ERH: variants seen among roughly 807,000 people sequenced by gnomAD.
The protein encoded by ERH is enhancer of rudimentary homolog.
A neutral mutation model predicts 16.8 loss-of-function variants in ERH; 1 was observed. The observed-to-expected ratio is 0.06, with a 90% CI of 0.02 to 0.28. The LOEUF is 0.28. Ranked by LOEUF, ERH falls within the 10% of genes least tolerant of loss-of-function variation. ERH has a pLI of 1.00. For synonymous variants in ERH, 43 were observed against 43.6 expected, an observed-to-expected ratio of 0.99 and a Z score of 0.05; for missense variants, 42 against 127.5, an observed-to-expected ratio of 0.33 and a Z score of 3.23.
intron 3 of ERH, among the ~76,000 whole-genome samples, chr14:69,385,232 T>C (rs1450411865): frequency 6.6e-6 from 1 of 152,164 alleles, no homozygotes; most frequent in East Asian, 1.9e-4. Flanking sequence ...AAAAATCCCA[T>C]GATCACAATG....
intron 2 of ERH, among the ~76,000 whole-genome samples, chr14:69,393,866 A>C (rs997278012): frequency 1.9e-4 from 29 of 152,072 alleles, no homozygotes; most frequent in Non-Finnish European, 3.7e-4. Context: ...TAAAAAAACC[A>C]AAAAATTAGC....
chr14:69,390,704 A>G (rs1382716489), intron 2 of ERH, among the ~76,000 whole-genome samples: 1 of 152,254 alleles, frequency 6.6e-6, no homozygotes, highest in East Asian at 1.9e-4. Flanking sequence ...TTTGTGCTCC[A>G]AAAGACACTA....
At chr14:69,382,684 C>T (rs1257477046) in intron 3 of ERH, among the ~76,000 whole-genome samples, 1 of 148,060 alleles carries the variant, frequency 6.8e-6, no homozygotes, top group African/African-American at 2.5e-5. Flanking sequence ...AAAAAAAATA[C>T]AAAAATTAGC....
At chr14:69,385,038 A>C (rs147099658) in intron 3 of ERH, among the ~76,000 whole-genome samples, 226 of 152,232 alleles carry the variant, frequency 1.5e-3, no homozygotes, top group Admixed American at 0.011. Context: ...GCAATCCTTG[A>C]TCCAGTGGGA....
At chr14:69,389,611 T>C (rs899488753) in intron 2 of ERH, among the ~76,000 whole-genome samples, 1 of 152,206 alleles carries the variant, frequency 6.6e-6, no homozygotes, top group Admixed American at 6.5e-5. Flanking sequence ...AGGATTGGTA[T>C]ATGAAAATAA....
intron 1 of ERH, 138 bp downstream of exon 1, chr14:69,398,093 G>A: frequency 1.8e-6 from 2 of 1,114,002 alleles, no homozygotes. Flanking sequence ...CGGGAAGAAG[G>A]GTCAATCCAC....
chr14:69,394,920 GGAAAACAT>G lies in ERH; in HGVS notation c.4-16_4-9del. ...CAGCAAAATGGTGTGAGACTGCAGG[GGAAAACAT>G]GATTTCAATATAAGTTTCTATTTGA... On this transcript the variant is annotated splice_polypyrimidine_tract_variant and intron_variant, in intron 1 of 3. Transcript: ENST00000557016. 1 of 1,592,462 alleles carries G rather than the reference GGAAAACAT, an allele frequency of 6.3e-7. No individual in the cohort carries two copies. The highest frequency in any genetic ancestry group is 8.6e-7 in the Non-Finnish European group (1 of 1,163,602).
chr14:69,383,651 A>G (rs1264036802), intron 3 of ERH, among the ~76,000 whole-genome samples: 1 of 152,232 alleles, frequency 6.6e-6, no homozygotes, highest in African/African-American at 2.4e-5. Flanking sequence ...TCAAGCTATG[A>G]TAATTTACGG....
intron 3 of ERH, 64 bp downstream of exon 3, chr14:69,386,899 C>A (rs1188068161): frequency 7.1e-6 from 11 of 1,541,698 alleles, no homozygotes; most frequent in Non-Finnish European, 9.8e-6. Flanking sequence ...TACCATAAAT[C>A]ACCTCAAACA....
chr14:69,395,286 C>G (rs1882310476), intron 1 of ERH, among the ~76,000 whole-genome samples: 1 of 152,040 alleles, frequency 6.6e-6, no homozygotes, highest in African/African-American at 2.4e-5. Flanking sequence ...GAGTGAGGCC[C>G]TATCTCTTAA....
chr14:69,395,151 C>A (rs1265137098), intron 1 of ERH, among the ~76,000 whole-genome samples: 1 of 151,932 alleles, frequency 6.6e-6, no homozygotes, highest in Non-Finnish European at 1.5e-5. Flanking sequence ...CCTGTCTCTA[C>A]AAAAAAATAA....
chr14:69,394,054 C>T (rs1024520886), intron 2 of ERH, among the ~76,000 whole-genome samples: 4 of 151,226 alleles, frequency 2.6e-5, no homozygotes, highest in African/African-American at 9.7e-5. Flanking sequence ...GACTTTACTA[C>T]TATGCCATAT....
intron 3 of ERH, among the ~76,000 whole-genome samples, chr14:69,386,279 C>T (rs1258505191): frequency 6.6e-6 from 1 of 152,196 alleles, no homozygotes; most frequent in African/African-American, 2.4e-5. Flanking sequence ...TATTTCTCAT[C>T]ACTGCTCTTT....
At chr14:69,387,152 T>A in intron 2 of ERH, 69 bp from the exon 3 acceptor site, 1 of 1,326,222 alleles carries the variant, frequency 7.5e-7, no homozygotes, top group Non-Finnish European at 1.1e-6. Context: ...GCAGTGCTTA[T>A]GAGCTGTGCT....
intron 2 of ERH, among the ~76,000 whole-genome samples, chr14:69,393,265 T>C (rs1882256297): frequency 6.6e-6 from 1 of 152,144 alleles, no homozygotes; most frequent in Admixed American, 6.6e-5. Context: ...TGCAGTGAGC[T>C]GAGATGCACC....
chr14:69,386,729 T>C (rs1184849973), intron 3 of ERH: 1 of 346,340 alleles, frequency 2.9e-6, no homozygotes, highest in African/African-American at 2.1e-5. Context: ...ACTTCTGAAT[T>C]AGGATCCTTT....
At chr14:69,383,593 A>G (rs1351758001) in intron 3 of ERH, among the ~76,000 whole-genome samples, 1 of 152,242 alleles carries the variant, frequency 6.6e-6, no homozygotes, top group Non-Finnish European at 1.5e-5. Flanking sequence ...AGTTTTTCAG[A>G]GGCCAAAAAA....
chr14:69,383,332 T>G (rs988757305), intron 3 of ERH, among the ~76,000 whole-genome samples: 1 of 152,202 alleles, frequency 6.6e-6, no homozygotes, highest in African/African-American at 2.4e-5. Context: ...TTAAAAAGAA[T>G]TAATTTAAAA....
chr14:69,385,781 G>A (rs1050561666), intron 3 of ERH, among the ~76,000 whole-genome samples: 9 of 151,836 alleles, frequency 5.9e-5, no homozygotes, highest in Non-Finnish European at 1.0e-4. Flanking sequence ...AGTCACCAAA[G>A]ACTTCCACAG....
Sources: gnomAD v4.1 joint callset for allele counts (sites outside exome capture counted in the v4.1 genomes callset) on GRCh38, gnomAD v4.1.1 for gene constraint, MANE v1.5 for transcripts, NCBI Gene and HGNC (gene_info 2026-07-23, HGNC 2026-07-21) for gene names.